Variants in SLIT2 observed in about 807,000 individuals in gnomAD.
SLIT2 encodes slit guidance ligand 2.
A neutral mutation model predicts 185.7 loss-of-function variants in SLIT2; 41 were observed. That is an observed-to-expected ratio of 0.22 (90% CI 0.17 to 0.29). The LOEUF (loss-of-function observed/expected upper bound fraction) is 0.29, where lower values mean the gene tolerates loss of function less well. SLIT2 is among the 10% of genes least tolerant of loss of function. The pLI is 1.00. For missense variants in SLIT2, 1,571 were observed against 1,909.0 expected, an observed-to-expected ratio of 0.82 and a Z score of 3.30; for synonymous variants, 693 against 680.2, an observed-to-expected ratio of 1.02 and a Z score of -0.29.
rs577555999 is a variant in SLIT2, at chr4:20,383,816, C to T, written c.396-83936C>T. Among the ~76,000 whole-genome samples, 80 of 152,228 alleles carry T rather than the reference C, an allele frequency of 5.3e-4. No individual in the cohort carries two copies. In the South Asian group the frequency reaches 0.015, roughly 28 times the overall value. Reference sequence around the variant, plus strand: ...CTCCCGGATTCAAGTGATTCTCCTGCCTCAGCCTCCAGTGTAGCTGGGATT... The same window carrying T: ...CTCCCGGATTCAAGTGATTCTCCTGTCTCAGCCTCCAGTGTAGCTGGGATT... On this transcript the variant is annotated intron_variant, in intron 4 of 36. Transcript: ENST00000504154.
intron 29 of SLIT2, among the ~76,000 whole-genome samples, chr4:20,577,179 A>T (rs1039620080): frequency 1.3e-5 from 2 of 152,186 alleles, no homozygotes; most frequent in African/African-American, 2.4e-5. Context: ...ATCACTTCTC[A>T]CATTCCAAGA....
At chr4:20,588,000 T>A (rs934803372) in intron 29 of SLIT2, among the ~76,000 whole-genome samples, 92 of 152,310 alleles carry the variant, frequency 6.0e-4, no homozygotes, top group African/African-American at 2.2e-3. Flanking sequence ...ACAGCCTATA[T>A]CTCCATCAGA....
chr4:20,470,516 G>T (rs1400991459), intron 5 of SLIT2, among the ~76,000 whole-genome samples: 1 of 150,842 alleles, frequency 6.6e-6, no homozygotes, highest in Non-Finnish European at 1.5e-5. Flanking sequence ...GTGTGTGTGT[G>T]TGTGTGTGTG....
At chr4:20,497,478 C>A (rs1172663262) in intron 9 of SLIT2, among the ~76,000 whole-genome samples, 2 of 151,986 alleles carry the variant, frequency 1.3e-5, no homozygotes, top group Non-Finnish European at 2.9e-5. Flanking sequence ...AATACTCCGA[C>A]AAAAAGGACA....
intron 4 of SLIT2, among the ~76,000 whole-genome samples, chr4:20,276,762 C>T (rs754850080): frequency 3.9e-5 from 6 of 152,092 alleles, no homozygotes; most frequent in Non-Finnish European, 8.8e-5. Context: ...GCTTCCCCTC[C>T]GACAGTTCCA....
intron 29 of SLIT2, among the ~76,000 whole-genome samples, chr4:20,573,690 CTT>C (rs1395802717): frequency 2.6e-5 from 4 of 151,914 alleles, no homozygotes; most frequent in Non-Finnish European, 5.9e-5. Context: ...GTTCCCATAA[CTT>C]TAAGCAAATA....
At chr4:20,497,003 A>G (rs115502228) in intron 9 of SLIT2, among the ~76,000 whole-genome samples, 135 of 152,288 alleles carry the variant, frequency 8.9e-4, no homozygotes, top group Non-Finnish European at 1.7e-3. Flanking sequence ...AATGCTAAAA[A>G]TTCATTAAAT....
At chr4:20,550,437 T>C (rs1364700717) in intron 24 of SLIT2, among the ~76,000 whole-genome samples, 2 of 151,970 alleles carry the variant, frequency 1.3e-5, no homozygotes, top group African/African-American at 4.8e-5. Flanking sequence ...ATTATTCTAT[T>C]TCTTATATGG....
At chr4:20,616,821 A>G (rs1560244087) in intron 34 of SLIT2, 89 bp from the exon 35 acceptor site, 1 of 1,405,054 alleles carries the variant, frequency 7.1e-7, no homozygotes. Context: ...ATAGGTTGGC[A>G]GTGAGGTCCC....
intron 4 of SLIT2, among the ~76,000 whole-genome samples, chr4:20,401,753 T>C (rs1046773394): frequency 6.6e-6 from 1 of 151,854 alleles, no homozygotes; most frequent in Non-Finnish European, 1.5e-5. Context: ...ACCTCACGAT[T>C]CTTCATCTAA....
At chr4:20,265,332 AT>A (rs1433909999) in intron 3 of SLIT2, among the ~76,000 whole-genome samples, 2 of 151,848 alleles carry the variant, frequency 1.3e-5, no homozygotes, top group Non-Finnish European at 2.9e-5. Context: ...TTTCTTTAAT[AT>A]TTTGAAAGTT....
At chr4:20,465,888 G>C (rs1412457700) in intron 4 of SLIT2, among the ~76,000 whole-genome samples, 2 of 151,866 alleles carry the variant, frequency 1.3e-5, no homozygotes, top group Non-Finnish European at 2.9e-5. Flanking sequence ...GAAGGGGAAG[G>C]CTGCAGAGCC....
At position 20,523,755 on chromosome 4, in the gene SLIT2, A is replaced by G. The variant is rs1560499708; in HGVS notation, c.1131-5A>G. The G allele has an allele frequency of 6.2e-7, 1 of 1,613,416 alleles. No individual in the cohort carries two copies. The highest frequency in any genetic ancestry group is 8.5e-7 in the Non-Finnish European group (1 of 1,179,390). On this transcript the variant is annotated splice_polypyrimidine_tract_variant and splice_region_variant and intron_variant, in intron 12 of 36. Coordinates refer to ENST00000504154, the MANE Select transcript of SLIT2 (RefSeq NM_004787.4). ...CTTTAATTCTACAACTATTTAATCA[A>G]ACAGATTATTGAATGCCAACAAGAT...
intron 4 of SLIT2, among the ~76,000 whole-genome samples, chr4:20,288,601 A>G (rs11945395): frequency 0.19 from 28,773 of 152,200 alleles, 3,391 homozygotes; most frequent in Middle Eastern, 0.31. Context: ...ATTTAACAAT[A>G]AGACATAAAA....
At chr4:20,416,591 G>A (rs916105594) in intron 4 of SLIT2, among the ~76,000 whole-genome samples, 8 of 151,724 alleles carry the variant, frequency 5.3e-5, no homozygotes, top group South Asian at 2.1e-4. Context: ...AAAAAAAATC[G>A]TATCAACTCC....
At chr4:20,536,752 A>T (rs1188202348) in intron 18 of SLIT2, among the ~76,000 whole-genome samples, 1 of 148,506 alleles carries the variant, frequency 6.7e-6, no homozygotes, top group Non-Finnish European at 1.5e-5. Context: ...CACATTGTTC[A>T]GCTGTATAAA....
chr4:20,457,111 A>T (rs1483888317), intron 4 of SLIT2, among the ~76,000 whole-genome samples: 1 of 152,106 alleles, frequency 6.6e-6, no homozygotes, highest in East Asian at 1.9e-4. Context: ...TGTAATGTCC[A>T]TAAGTATAAT....
intron 4 of SLIT2, among the ~76,000 whole-genome samples, chr4:20,385,524 C>G (rs1156431293): frequency 1.3e-5 from 2 of 152,088 alleles, no homozygotes; most frequent in African/African-American, 4.8e-5. Flanking sequence ...CAGTGGAGGA[C>G]AGTAAGCAAC....
At chr4:20,536,358 A>C (rs1009137196) in intron 18 of SLIT2, among the ~76,000 whole-genome samples, 1 of 152,122 alleles carries the variant, frequency 6.6e-6, no homozygotes, top group Non-Finnish European at 1.5e-5. Context: ...GAGTTCCAGG[A>C]CCAGCCTGGC....
Sources: allele counts gnomAD v4.1 joint callset (sites outside exome capture counted in the v4.1 genomes callset), GRCh38; gene constraint gnomAD v4.1.1; transcripts MANE v1.5; gene names NCBI Gene and HGNC (gene_info 2026-07-23, HGNC 2026-07-21).